The following RGS5 variants were observed in gnomAD, a reference collection of about 807,000 sequenced individuals.
The protein encoded by RGS5 is regulator of G-protein signalling 5.
RGS5 carries 20 observed loss-of-function variants against 18.9 expected under a neutral mutation model. That is an observed-to-expected ratio of 1.06 (90% confidence interval 0.74 to 1.54). The LOEUF is 1.54. Among genes scored for constraint, RGS5 ranks in the 40% most tolerant of loss-of-function variants. RGS5 has a pLI of 0.00. For synonymous variants in RGS5, 57 were observed against 76.2 expected, an observed-to-expected ratio of 0.75 and a Z score of 1.31; for missense variants, 201 against 211.8, an observed-to-expected ratio of 0.95 and a Z score of 0.32.
intron 2 of RGS5, among the ~76,000 whole-genome samples, chr1:163,299,567 A>G (rs1026637544): frequency 2.0e-5 from 3 of 152,230 alleles, no homozygotes; most frequent in African/African-American, 7.2e-5. Flanking sequence ...TATTATTGTA[A>G]TAAACAATTG....
intron 2 of RGS5, among the ~76,000 whole-genome samples, 180 bp downstream of exon 2, chr1:163,168,078 C>T (rs928566415): frequency 4.0e-5 from 6 of 151,672 alleles, no homozygotes; most frequent in African/African-American, 7.3e-5. Flanking sequence ...TAAGATGCTC[C>T]AGACATGAGA....
intron 1 of RGS5, among the ~76,000 whole-genome samples, chr1:163,184,594 T>C (rs1364335911): frequency 6.6e-6 from 1 of 152,140 alleles, no homozygotes; most frequent in East Asian, 1.9e-4. Flanking sequence ...TTAAGGATCT[T>C]GAAGTGGGAA....
At chr1:163,243,111 A>G (rs1463668897) in intron 2 of RGS5, among the ~76,000 whole-genome samples, 1 of 152,236 alleles carries the variant, frequency 6.6e-6, no homozygotes, top group Non-Finnish European at 1.5e-5. Context: ...CTATGTAGCC[A>G]TAAAAATGAA....
chr1:163,192,945 C>A (rs1001799559), intron 1 of RGS5, among the ~76,000 whole-genome samples: 1 of 152,160 alleles, frequency 6.6e-6, no homozygotes, highest in Non-Finnish European at 1.5e-5. Flanking sequence ...CATCTTGATT[C>A]TTTCTAAACT....
intron 2 of RGS5, among the ~76,000 whole-genome samples, chr1:163,259,333 T>TC (rs1228869666): frequency 6.8e-6 from 1 of 147,952 alleles, no homozygotes; most frequent in Admixed American, 6.7e-5. Flanking sequence ...TTTTTTTTTA[T>TC]CTTTTTTTTT....
At chr1:163,303,633 A>G (rs1415516140) in intron 2 of RGS5, among the ~76,000 whole-genome samples, 2 of 152,214 alleles carry the variant, frequency 1.3e-5, no homozygotes, top group African/African-American at 2.4e-5. Flanking sequence ...TAGCAGCTCT[A>G]TCAGTCCTTG....
At chr1:163,308,234 G>A (rs976421054) in intron 1 of RGS5, among the ~76,000 whole-genome samples, 2 of 152,112 alleles carry the variant, frequency 1.3e-5, no homozygotes, top group African/African-American at 4.8e-5. Flanking sequence ...GTTCAGATTA[G>A]TCACTATACC....
At chr1:163,210,152 A>G (rs570460883) in intron 1 of RGS5, among the ~76,000 whole-genome samples, 3 of 146,520 alleles carry the variant, frequency 2.0e-5, no homozygotes, top group Admixed American at 1.4e-4. Context: ...ACCACGCCCA[A>G]CTAATTTTTT....
At chr1:163,306,641 G>A (rs1282785507) in intron 1 of RGS5, among the ~76,000 whole-genome samples, 1 of 152,156 alleles carries the variant, frequency 6.6e-6, no homozygotes, top group Non-Finnish European at 1.5e-5. Context: ...TGTAAATAGG[G>A]TCTTTGTAAA....
intron 3 of RGS5, among the ~76,000 whole-genome samples, chr1:163,159,913 A>G (rs1657735741): frequency 6.6e-6 from 1 of 152,178 alleles, no homozygotes; most frequent in Admixed American, 6.5e-5. Context: ...ACATACATAC[A>G]TGAACACACA....
intron 2 of RGS5, among the ~76,000 whole-genome samples, chr1:163,278,688 T>C (rs1233193199): frequency 1.3e-5 from 2 of 152,054 alleles, no homozygotes; most frequent in Non-Finnish European, 2.9e-5. Flanking sequence ...CAGGAGTAAG[T>C]CCTCACCTAT....
At chr1:163,206,499 A>C (rs1410203560), upstream of RGS5, among the ~76,000 whole-genome samples, 2 of 152,220 alleles carry the variant, frequency 1.3e-5, no homozygotes, top group Non-Finnish European at 2.9e-5. Flanking sequence ...CCTCATATAC[A>C]TATGTACTAT....
At chr1:163,229,704 C>T (rs1357788153) in intron 2 of RGS5, among the ~76,000 whole-genome samples, 1 of 152,204 alleles carries the variant, frequency 6.6e-6, no homozygotes, top group Non-Finnish European at 1.5e-5. Context: ...CTGTCTCTCT[C>T]ACCTCCTTCA....
intron 2 of RGS5, among the ~76,000 whole-genome samples, chr1:163,290,490 A>G (rs1027004376): frequency 6.6e-6 from 1 of 152,172 alleles, no homozygotes; most frequent in African/African-American, 2.4e-5. Flanking sequence ...CAGTGTGTTT[A>G]TAGAGAAGTT....
At chr1:163,190,006 C>G (rs762326004) in intron 1 of RGS5, among the ~76,000 whole-genome samples, 3 of 152,188 alleles carry the variant, frequency 2.0e-5, no homozygotes, top group African/African-American at 2.4e-5. Flanking sequence ...TAAGCAGGCT[C>G]TGTGTGAAGT....
intron 1 of RGS5, among the ~76,000 whole-genome samples, chr1:163,197,748 T>C (rs1449034129): frequency 2.0e-5 from 3 of 152,184 alleles, no homozygotes; most frequent in Admixed American, 6.6e-5. Context: ...CTCTAGAATA[T>C]CAGGTATAGT....
At chr1:163,217,613 T>A (rs899661066) in exon 1 of RGS5, 2 of 1,541,194 alleles carry the variant, frequency 1.3e-6, no homozygotes, top group South Asian at 2.4e-5. Context: ...GAGGTTTTGT[T>A]TCTTTGTTTT....
At chr1:163,160,198 T>C (rs1657747476) in intron 3 of RGS5, among the ~76,000 whole-genome samples, 1 of 152,172 alleles carries the variant, frequency 6.6e-6, no homozygotes, top group African/African-American at 2.4e-5. Flanking sequence ...CACATAAATA[T>C]TTATTCTTCT....
intron 3 of RGS5, chr1:163,161,680 C>A: frequency 2.3e-6 from 1 of 437,568 alleles, no homozygotes; most frequent in Non-Finnish European, 4.2e-6. Flanking sequence ...AACACAACTG[C>A]AATCATGAGT....
Sources: gnomAD v4.1 joint callset for allele counts (sites outside exome capture counted in the v4.1 genomes callset) on GRCh38, gnomAD v4.1.1 for gene constraint, MANE v1.5 for transcripts, NCBI Gene and HGNC (gene_info 2026-07-23, HGNC 2026-07-21) for gene names.